GFPT1: variants seen among roughly 807,000 people sequenced by gnomAD.
GFPT1 encodes glutamine--fructose-6-phosphate transaminase 1.
A neutral mutation model predicts 92.0 loss-of-function variants in GFPT1; 40 were observed. The observed-to-expected ratio is 0.43, with a 90% CI of 0.34 to 0.57. The LOEUF (loss-of-function observed/expected upper bound fraction) is 0.57, where lower values mean the gene tolerates loss of function less well. Among genes scored for constraint, GFPT1 ranks in the 20% least tolerant of loss-of-function variants. The pLI, the probability that GFPT1 is intolerant of heterozygous loss-of-function variation, is 0.02. For synonymous variants in GFPT1, 269 were observed against 280.6 expected, an observed-to-expected ratio of 0.96 and a Z score of 0.41; for missense variants, 448 against 869.1, an observed-to-expected ratio of 0.52 and a Z score of 6.09.
chr2:69,359,968 A>C (rs1671426615), intron 4 of GFPT1, among the ~76,000 whole-genome samples: 1 of 152,206 alleles, frequency 6.6e-6, no homozygotes, highest in Non-Finnish European at 1.5e-5. Flanking sequence ...CTAATTTTGA[A>C]AACTGTAAGA....
chr2:69,332,882 G>A (rs370006387), intron 15 of GFPT1, among the ~76,000 whole-genome samples: 8 of 128,770 alleles, frequency 6.2e-5, no homozygotes, highest in African/African-American at 2.3e-4. Context: ...ATGTGGATGA[G>A]ACTCCCTCTA....
At chr2:69,359,154 GA>G in intron 5 of GFPT1, 113 bp downstream of exon 5, 1 of 731,020 alleles carries the variant, frequency 1.4e-6, no homozygotes. Flanking sequence ...AATTGTCCAA[GA>G]AATTAATTGA....
chr2:69,343,657 C>T (rs566983577), intron 12 of GFPT1, among the ~76,000 whole-genome samples: 1 of 151,754 alleles, frequency 6.6e-6, no homozygotes, highest in South Asian at 2.1e-4. Context: ...AGTAATCCAC[C>T]CACCTTGGCC....
At chr2:69,352,682 CTG>C (rs1671240661) in intron 9 of GFPT1, among the ~76,000 whole-genome samples, 1 of 148,076 alleles carries the variant, frequency 6.8e-6, no homozygotes, top group Non-Finnish European at 1.5e-5. Context: ...TTGAGTTTCA[CTG>C]TGTTTTTTCT....
chr2:69,326,262 A>G (rs1670529644), intron 19 of GFPT1, 29 bp from the exon 20 acceptor site: 2 of 1,520,200 alleles, frequency 1.3e-6, no homozygotes, highest in Non-Finnish European at 9.0e-7. Flanking sequence ...AAAAAGCAAG[A>G]TTTGAGAGAT....
chr2:69,338,041 T>C lies in GFPT1; in HGVS notation c.1339A>G (p.Thr447Ala), dbSNP rs1287808167. Residue 447 changes from threonine to alanine, a missense_variant, in exon 15 of 20, where the codon ACT (threonine) becomes GCT (alanine). By Grantham distance (58) the Thr-to-Ala change is moderately conservative. Transcript: ENST00000357308. ...FLSQSGETADTLMGLRYCKER... is the reference protein window; with the variant it reads ...FLSQSGETADALMGLRYCKER... Reference sequence around the variant, plus strand: ...TTACAGTAACGAAGACCCATCAAAGTATCTGCTGTCTCACCTGTGTAAAAA... The same window carrying C: ...TTACAGTAACGAAGACCCATCAAAGCATCTGCTGTCTCACCTGTGTAAAAA... 5 of 1,614,138 alleles carry C rather than the reference T, an allele frequency of 3.1e-6. No individual in the cohort carries two copies. Among genetic ancestry groups the C allele is most frequent in the Admixed American group, 1.7e-5 (1 of 60,026 alleles).
chr2:69,376,127 AAC>A (rs1671864669), intron 1 of GFPT1, among the ~76,000 whole-genome samples: 1 of 152,248 alleles, frequency 6.6e-6, no homozygotes, highest in African/African-American at 2.4e-5. Context: ...AGAAAGATTA[AAC>A]ACGTACAGAT....
chr2:69,350,701 A>C lies in GFPT1; in HGVS notation c.740-518T>G, dbSNP rs1181037674. Among the ~76,000 whole-genome samples, 10 of 152,148 alleles carry C rather than the reference A, an allele frequency of 6.6e-5. No homozygotes were observed. In the East Asian group the frequency reaches 1.7e-3, roughly 26 times the overall value. On this transcript the variant is annotated intron_variant, in intron 9 of 19. Transcript: ENST00000357308. ...GTGAATCACTTGAGGTCAGGAGTTC[A>C]AGACCAGCCTGGTCAACATGGCGAA... is the stretch of plus-strand genomic sequence containing the variant.
intron 15 of GFPT1, among the ~76,000 whole-genome samples, chr2:69,334,176 T>G (rs545440073): frequency 1.3e-5 from 2 of 151,882 alleles, no homozygotes; most frequent in Non-Finnish European, 2.9e-5. Context: ...ATAATAATAG[T>G]AATAATAATC....
intron 13 of GFPT1, among the ~76,000 whole-genome samples, chr2:69,341,750 C>A (rs1222305121): frequency 6.6e-6 from 1 of 152,016 alleles, no homozygotes; most frequent in African/African-American, 2.4e-5. Context: ...AGTAATGTGC[C>A]CACAAAGTAA....
intron 15 of GFPT1, among the ~76,000 whole-genome samples, chr2:69,330,430 T>C (rs1278962974): frequency 6.6e-6 from 1 of 152,050 alleles, no homozygotes; most frequent in Non-Finnish European, 1.5e-5. Flanking sequence ...ATTTAGTTTT[T>C]GGTGTAAGTC....
intron 4 of GFPT1, among the ~76,000 whole-genome samples, chr2:69,362,743 G>A (rs1199190161): frequency 6.6e-6 from 1 of 152,078 alleles, no homozygotes; most frequent in Non-Finnish European, 1.5e-5. Flanking sequence ...GTTGCAGTGA[G>A]CCGATATCGC....
At chr2:69,339,957 T>C (rs1389029801) in intron 13 of GFPT1, among the ~76,000 whole-genome samples, 1 of 151,998 alleles carries the variant, frequency 6.6e-6, no homozygotes, top group Non-Finnish European at 1.5e-5. Context: ...CCAAACCTTT[T>C]CACCCAGTTT....
In GFPT1 at chr2:69,364,994, C is replaced by CAAAAAAAA. The variant is rs58848043; in HGVS notation, c.224-1332_224-1325dup. 4.5e-5 allele frequency among the ~76,000 whole-genome samples: 2 copies of CAAAAAAAA among 44,166 alleles called. 1 individual carries two copies. Among genetic ancestry groups the CAAAAAAAA allele is most frequent in the African/African-American group, 1.6e-4 (2 of 12,314 alleles). The allele number at this position is 44,166 out of a possible 152,430, so 29.0% of individuals were successfully genotyped here. A position where few individuals can be genotyped will look rare whatever the true frequency, so the allele number is the denominator to read the frequency against. ...TGGGTGACAGAGCGAGACTCCCTCT[C>CAAAAAAAA]AAAAAAAAAAAAAAAAAAAAAAAAA... On this transcript the variant is annotated intron_variant, in intron 3 of 19. Coordinates refer to ENST00000357308, the MANE Select transcript of GFPT1 (RefSeq NM_001244710.2).
chr2:69,358,247 T>C (rs1051086886), intron 6 of GFPT1, 82 bp downstream of exon 6: 1 of 1,204,162 alleles, frequency 8.3e-7, no homozygotes, highest in Non-Finnish European at 1.2e-6. Context: ...AATAGCACAG[T>C]TCCTGCTTAT....
chr2:69,344,186 CAAAAAAAAAAAAAAA>C (rs10602884), intron 12 of GFPT1, among the ~76,000 whole-genome samples: 1 of 64,520 alleles, frequency 1.5e-5, no homozygotes, highest in Non-Finnish European at 2.8e-5. Context: ...AAAAGCAAAG[CAAAAAAAAAAAAAAA>C]AAAAAAAAGG....
intron 1 of GFPT1, 92 bp downstream of exon 1, chr2:69,386,973 C>T (rs2104710681): frequency 1.9e-6 from 2 of 1,031,748 alleles, no homozygotes; most frequent in East Asian, 2.6e-5. Flanking sequence ...CCTCCACACT[C>T]CCGCTTCCGC....
chr2:69,354,217 G>A, intron 9 of GFPT1, 42 bp downstream of exon 9: 1 of 1,334,828 alleles, frequency 7.5e-7, no homozygotes, highest in East Asian at 2.4e-5. Flanking sequence ...ATAAACAAAA[G>A]AGGATAAGAT....
At position 69,326,199 on chromosome 2, in the gene GFPT1, G is replaced by A; in HGVS notation, c.2090C>T (p.Thr697Ile). Reference sequence around the variant, plus strand: ...TTGTATAGATATTCCTCACTCTACAGTCACAGATTTGGCAAGATTCCGTGG... The same window carrying A: ...TTGTATAGATATTCCTCACTCTACAATCACAGATTTGGCAAGATTCCGTGG... ...DFPRNLAKSV[T>I]VE is the part of the protein sequence containing the mutation. The change falls in exon 20 of 20, where the codon ACT (threonine) becomes ATT (isoleucine). Residue 697 changes from threonine (T) to isoleucine (I), a missense_variant. Physicochemically the swap from Thr to Ile is moderately conservative, Grantham distance 89 (BLOSUM62 -1). This residue lies in a region of GFPT1 where 55 missense variants were observed against 98.8 expected (regional missense o/e 0.56). Coordinates refer to ENST00000357308, the MANE Select transcript of GFPT1 (RefSeq NM_001244710.2). 1.3e-6 allele frequency: 2 copies of A among 1,594,098 alleles called. No homozygotes were observed. Among genetic ancestry groups the A allele is most frequent in the Non-Finnish European group, 8.6e-7 (1 of 1,164,778 alleles).
Sources: allele counts gnomAD v4.1 joint callset (sites outside exome capture counted in the v4.1 genomes callset), GRCh38; gene constraint gnomAD v4.1.1; regional missense constraint gnomAD v4.1.1; transcripts MANE v1.5; gene names NCBI Gene and HGNC (gene_info 2026-07-23, HGNC 2026-07-21).